The following PCDH15 variants were observed in gnomAD, a reference collection of about 807,000 sequenced individuals.
PCDH15 encodes protocadherin related 15.
Under a neutral mutation model 178.5 loss-of-function variants are expected in PCDH15, and 129 were observed. The observed-to-expected ratio is 0.72, with a 90% confidence interval of 0.63 to 0.84. PCDH15 has a LOEUF of 0.84. PCDH15 is among the 40% of genes least tolerant of loss of function. The probability of loss-of-function intolerance (pLI) is 0.00; values close to 1 mark genes in which losing one functional copy is unlikely to be tolerated. For missense variants in PCDH15, 2,230 were observed against 2,099.9 expected (o/e 1.06, Z -1.21); for synonymous variants, 800 against 732.0 (o/e 1.09, Z -1.50).
intron 1 of PCDH15, among the ~76,000 whole-genome samples, chr10:54,772,213 T>C (rs1249419950): frequency 6.6e-6 from 1 of 152,202 alleles, no homozygotes; most frequent in African/African-American, 2.4e-5. Flanking sequence ...TTGTATTTTA[T>C]TGGCTCTTCG....
chr10:54,680,729 T>G (rs2094884495), intron 1 of PCDH15, among the ~76,000 whole-genome samples: 1 of 152,204 alleles, frequency 6.6e-6, no homozygotes, highest in Non-Finnish European at 1.5e-5. Flanking sequence ...CTCTCTTGCC[T>G]GCTGCCATGT....
chr10:55,462,580 C>G (rs1199844405), intron 2 of PCDH15, among the ~76,000 whole-genome samples: 1 of 150,830 alleles, frequency 6.6e-6, no homozygotes, highest in African/African-American at 2.5e-5. Context: ...AGTATGAATC[C>G]AAAGGAAATG....
intron 2 of PCDH15, among the ~76,000 whole-genome samples, chr10:55,138,326 A>AT (rs1230102569): frequency 6.6e-6 from 1 of 152,132 alleles, no homozygotes; most frequent in African/African-American, 2.4e-5. Context: ...AGACATTGAG[A>AT]TTTTCTATGT....
At chr10:55,529,821 A>AGT (rs1248196253) in intron 2 of PCDH15, among the ~76,000 whole-genome samples, 1 of 141,532 alleles carries the variant, frequency 7.1e-6, no homozygotes, top group Non-Finnish European at 1.5e-5. Flanking sequence ...AGTCCCTAAA[A>AGT]GTGTGCCAGA....
intron 2 of PCDH15, among the ~76,000 whole-genome samples, chr10:55,483,062 A>G (rs2132119950): frequency 6.6e-6 from 1 of 151,942 alleles, no homozygotes; most frequent in South Asian, 2.1e-4. Flanking sequence ...AAACCCATTC[A>G]GGACATAAGC....
intron 5 of PCDH15, among the ~76,000 whole-genome samples, chr10:54,348,028 T>G (rs1292439538): frequency 6.6e-6 from 1 of 151,444 alleles, no homozygotes; most frequent in Non-Finnish European, 1.5e-5. Flanking sequence ...TTTTGTATTT[T>G]TAGTAGAGAT....
chr10:54,892,404 A>T (rs2131817183), intron 3 of PCDH15, among the ~76,000 whole-genome samples: 1 of 152,240 alleles, frequency 6.6e-6, no homozygotes, highest in South Asian at 2.1e-4. Flanking sequence ...TAAAATTAAA[A>T]GCTATCAAAA....
intron 8 of PCDH15, among the ~76,000 whole-genome samples, chr10:54,245,463 T>TG (rs2055828935): frequency 6.6e-6 from 1 of 152,094 alleles, no homozygotes; most frequent in Non-Finnish European, 1.5e-5. Flanking sequence ...CTTTACCAAA[T>TG]AAAGCTTTGG....
chr10:55,428,664 T>A (rs768539880), intron 2 of PCDH15, among the ~76,000 whole-genome samples: 34 of 151,958 alleles, frequency 2.2e-4, no homozygotes, highest in Non-Finnish European at 4.1e-4. Context: ...ACTTTTTTAT[T>A]CAATCTGATA....
chr10:55,552,832 C>A (rs562419372), intron 2 of PCDH15, among the ~76,000 whole-genome samples: 3 of 151,358 alleles, frequency 2.0e-5, no homozygotes, highest in African/African-American at 7.2e-5. Context: ...TTTTTTGCCC[C>A]ATAAATGTGA....
At chr10:54,999,589 G>A (rs1839744623) in intron 2 of PCDH15, among the ~76,000 whole-genome samples, 1 of 152,188 alleles carries the variant, frequency 6.6e-6, no homozygotes, top group Non-Finnish European at 1.5e-5. Context: ...TTCAGTGTGG[G>A]AGGTGCAGCT....
At chr10:54,694,087 T>A (rs2095178215) in intron 1 of PCDH15, among the ~76,000 whole-genome samples, 2 of 152,094 alleles carry the variant, frequency 1.3e-5, no homozygotes, top group Non-Finnish European at 2.9e-5. Flanking sequence ...GAAAATAAAA[T>A]GATGTACATA....
chr10:54,148,975 A>C lies in PCDH15; in HGVS notation c.1784+4125T>G, dbSNP rs1224117756. Reference sequence around the variant, plus strand: ...CTAAGTTTCTTATAAAAGAAAATTAAATTTTCTGTGGCATGGCCTTTTAAT... The same window carrying C: ...CTAAGTTTCTTATAAAAGAAAATTACATTTTCTGTGGCATGGCCTTTTAAT... On this transcript the variant is annotated intron_variant, in intron 14 of 37. Coordinates refer to ENST00000644397, the MANE Select transcript of PCDH15 (RefSeq NM_001384140.1). Among the ~76,000 whole-genome samples, 3 of 152,058 alleles carry C rather than the reference A, an allele frequency of 2.0e-5. No individual in the cohort carries two copies. The East Asian group carries it at 5.8e-4, about 29-fold the overall frequency.
intron 2 of PCDH15, among the ~76,000 whole-genome samples, chr10:55,014,159 G>A (rs1057431402): frequency 6.6e-6 from 1 of 151,794 alleles, no homozygotes; most frequent in Non-Finnish European, 1.5e-5. Context: ...AAAGTTGACT[G>A]GATAATACTA....
At chr10:53,841,016 G>T (rs796811229) in intron 28 of PCDH15, among the ~76,000 whole-genome samples, 16 of 152,230 alleles carry the variant, frequency 1.1e-4, no homozygotes, top group African/African-American at 3.9e-4. Context: ...GCAATGGCAG[G>T]ATTACCACGT....
intron 1 of PCDH15, among the ~76,000 whole-genome samples, chr10:54,668,019 C>T (rs1011849534): frequency 6.6e-6 from 1 of 151,954 alleles, no homozygotes; most frequent in Non-Finnish European, 1.5e-5. Context: ...TATTTTACTG[C>T]AATTATTCAA....
At chr10:54,799,790 A>G (rs1952456767) in intron 1 of PCDH15, among the ~76,000 whole-genome samples, 1 of 152,162 alleles carries the variant, frequency 6.6e-6, no homozygotes, top group South Asian at 2.1e-4. Flanking sequence ...ACATTCACTC[A>G]TTCACACTTA....
At chr10:55,602,112 AG>A (rs1185971144) in intron 2 of PCDH15, among the ~76,000 whole-genome samples, 2 of 152,102 alleles carry the variant, frequency 1.3e-5, no homozygotes, top group Admixed American at 6.5e-5. Flanking sequence ...TTCCTAGTCA[AG>A]GAAAGGGGTG....
intron 2 of PCDH15, among the ~76,000 whole-genome samples, chr10:54,944,344 A>T (rs1838137893): frequency 6.6e-6 from 1 of 151,974 alleles, no homozygotes; most frequent in Admixed American, 6.6e-5. Context: ...GTGAATTACA[A>T]GTCAGCAGAC....
Sources: gnomAD v4.1 joint callset for allele counts (sites outside exome capture counted in the v4.1 genomes callset) on GRCh38, gnomAD v4.1.1 for gene constraint, MANE v1.5 for transcripts, NCBI Gene and HGNC (gene_info 2026-07-23, HGNC 2026-07-21) for gene names.